LAMA3: variants seen among roughly 807,000 people sequenced by gnomAD.
The protein encoded by LAMA3 is laminin subunit alpha-3.
LAMA3 carries 281 observed loss-of-function variants against 402.0 expected under a neutral mutation model. The ratio of observed to expected loss-of-function variants is 0.70; its 90% CI spans 0.63 to 0.77. The LOEUF is 0.77. Ranked by LOEUF, LAMA3 falls within the 30% of genes least tolerant of loss-of-function variation. LAMA3 has a pLI of 0.00. For missense variants in LAMA3, 3,840 were observed against 4,215.5 expected (o/e 0.91, Z 2.47); for synonymous variants, 1,431 against 1,558.4 (o/e 0.92, Z 1.93).
chr18:23,689,959 C>T lies in LAMA3; in HGVS notation c.276C>T (p.Gly92=). 6.6e-7 allele frequency: 1 copy of T among 1,515,582 alleles called. No homozygotes were observed. Among genetic ancestry groups the T allele is most frequent in the Non-Finnish European group, 8.8e-7 (1 of 1,131,434 alleles). The allele number at this position is 1,515,582 out of a possible 1,614,324, so 93.9% of individuals were successfully genotyped here. The change falls in exon 1 of 75, where the codon GGC becomes GGT. Residue 92 remains glycine, a synonymous_variant. Coordinates refer to ENST00000313654, the MANE Select transcript of LAMA3 (RefSeq NM_198129.4). ...TGGTCGGGGGCCCCACCGCCCCAGG[C>T]AGCGGCCACACCATCCAGGTGAGGG... is the stretch of plus-strand genomic sequence containing the variant. ...CKLVGGPTAP[G]SGHTIQGQFC... is the part of the protein sequence containing the mutation.
chr18:23,754,893 T>C (rs770569444), intron 6 of LAMA3, among the ~76,000 whole-genome samples: 12 of 152,350 alleles, frequency 7.9e-5, no homozygotes, highest in Middle Eastern at 3.4e-3. Flanking sequence ...CTTGTGCTTC[T>C]TTAGGTCTAG....
chr18:23,941,333 C>CA (rs1214728608), intron 68 of LAMA3, among the ~76,000 whole-genome samples: 2 of 143,922 alleles, frequency 1.4e-5, no homozygotes, highest in East Asian at 2.1e-4. Context: ...GGCGCCCCCC[C>CA]CCCGCCCGGC....
chr18:23,719,805 T>C (rs766911361), intron 2 of LAMA3, among the ~76,000 whole-genome samples: 14 of 152,076 alleles, frequency 9.2e-5, no homozygotes, highest in Non-Finnish European at 1.6e-4. Flanking sequence ...GCTTGAGGAC[T>C]TTGGAGATTA....
rs184456963 is a variant in LAMA3, at chr18:23,845,228, C to T, written c.3719+104C>T. Reference sequence around the variant, plus strand: ...GCTGGCCCATGGATCCGTCCTCTTCCCCGCACTGCCCAAGAGAGTGTCAGT... The same window carrying T: ...GCTGGCCCATGGATCCGTCCTCTTCTCCGCACTGCCCAAGAGAGTGTCAGT... On this transcript the variant is annotated intron_variant, in intron 30 of 74. Transcript: ENST00000313654. The T allele has an allele frequency of 4.3e-4, 317 of 730,818 alleles. 1 individual carries two copies. The African/African-American group carries it at 4.8e-3, about 11-fold the overall frequency. 45.3% of individuals were successfully genotyped at this position (730,818 alleles called of 1,614,324 possible).
intron 8 of LAMA3, among the ~76,000 whole-genome samples, chr18:23,767,085 C>G (rs2062090914): frequency 1.3e-5 from 2 of 152,032 alleles, no homozygotes; most frequent in South Asian, 4.1e-4. Context: ...AGAGCCAAAT[C>G]AAGAACACAA....
intron 12 of LAMA3, among the ~76,000 whole-genome samples, chr18:23,810,085 C>T (rs925702879): frequency 6.6e-6 from 1 of 152,184 alleles, no homozygotes; most frequent in South Asian, 2.1e-4. Flanking sequence ...TGAGTGCTCG[C>T]TATGATAGGC....
intron 69 of LAMA3, among the ~76,000 whole-genome samples, 199 bp from the exon 70 acceptor site, chr18:23,945,945 C>T (rs2082694130): frequency 6.6e-6 from 1 of 151,892 alleles, no homozygotes; most frequent in African/African-American, 2.4e-5. Flanking sequence ...CCCTTTTGAG[C>T]TCAGTTTGTT....
Position 23,928,132 on chromosome 18 carries a change from T to G in LAMA3, c.8187T>G (p.Ile2729Met). The G allele has an allele frequency of 1.2e-6, 2 of 1,611,442 alleles. No individual in the cohort carries two copies. The highest frequency in any genetic ancestry group is 1.7e-6 in the Non-Finnish European group (2 of 1,177,496). ...CTGTGTTCGTAATCAGATTTAACAT[T>G]TCTACGCCTGCTTTCCGAGGCTGCA... ...IPIAIRERFN[I>M]STPAFRGCMK... Residue 2729 changes from isoleucine (I) to methionine (M), a missense_variant, in exon 63 of 75, where the codon ATT (isoleucine) becomes ATG (methionine). Physicochemically the swap from Ile to Met is conservative, Grantham distance 10. Around this residue, in one of 3 missense-constraint regions of LAMA3, gnomAD observed 840 missense variants for 981.9 expected, o/e 0.86. Coordinates refer to ENST00000313654, the MANE Select transcript of LAMA3 (RefSeq NM_198129.4).
chr18:23,885,576 A>G (rs967584971), intron 41 of LAMA3, among the ~76,000 whole-genome samples: 1 of 152,094 alleles, frequency 6.6e-6, no homozygotes, highest in African/African-American at 2.4e-5. Context: ...AATTTTCATG[A>G]TTAGCCACTA....
intron 1 of LAMA3, among the ~76,000 whole-genome samples, chr18:23,696,013 CAG>C (rs557332862): frequency 1.5e-3 from 231 of 151,858 alleles, no homozygotes; most frequent in Admixed American, 3.3e-3. Flanking sequence ...AGTGAGGGCT[CAG>C]AGGGCTGCTT....
intron 44 of LAMA3, among the ~76,000 whole-genome samples, chr18:23,896,558 G>C (rs1182476839): frequency 6.6e-6 from 1 of 152,112 alleles, no homozygotes; most frequent in Non-Finnish European, 1.5e-5. Flanking sequence ...TGTATACTTA[G>C]ATGGAATATG....
At chr18:23,747,049 C>A (rs1338440800) in intron 2 of LAMA3, among the ~76,000 whole-genome samples, 4 of 152,068 alleles carry the variant, frequency 2.6e-5, no homozygotes, top group Admixed American at 1.3e-4. Context: ...GAGGCGAGTG[C>A]TCCTCAGACA....
At chr18:23,730,633 C>A (rs1351497673) in intron 2 of LAMA3, among the ~76,000 whole-genome samples, 1 of 152,126 alleles carries the variant, frequency 6.6e-6, no homozygotes, top group Admixed American at 6.5e-5. Context: ...TCCCAAAGTG[C>A]TGGGATTACA....
chr18:23,911,242 C>T (rs2081415609), intron 55 of LAMA3, among the ~76,000 whole-genome samples: 1 of 152,082 alleles, frequency 6.6e-6, no homozygotes, highest in Admixed American at 6.5e-5. Context: ...GGGACCCCAT[C>T]GCTAAGTCCC....
chr18:23,826,895 G>T, intron 22 of LAMA3, 96 bp downstream of exon 22: 1 of 743,024 alleles, frequency 1.3e-6, no homozygotes, highest in South Asian at 1.5e-5. Flanking sequence ...GGATCACAAC[G>T]ACAGCATGAT....
chr18:23,842,192 G>T (rs981953120), intron 27 of LAMA3, among the ~76,000 whole-genome samples: 3 of 152,112 alleles, frequency 2.0e-5, no homozygotes, highest in African/African-American at 7.2e-5. Context: ...TTTGTTTTCA[G>T]TTTTTGTGAT....
At chr18:23,694,174 A>G (rs535689876) in intron 1 of LAMA3, among the ~76,000 whole-genome samples, 1 of 152,320 alleles carries the variant, frequency 6.6e-6, no homozygotes, top group Admixed American at 6.5e-5. Context: ...TTCCCATCCT[A>G]GAAGCTCAGA....
chr18:23,754,880 A>G, intron 6 of LAMA3, among the ~76,000 whole-genome samples: 1 of 152,174 alleles, frequency 6.6e-6, no homozygotes, highest in East Asian at 1.9e-4. Context: ...AGTCAGATTC[A>G]GGCTTGTGCT....
intron 21 of LAMA3, among the ~76,000 whole-genome samples, chr18:23,825,567 ATTGT>A (rs2063365924): frequency 6.6e-6 from 1 of 152,024 alleles, no homozygotes; most frequent in Non-Finnish European, 1.5e-5. Flanking sequence ...AACATGAGGG[ATTGT>A]TCTTTCCATT....
Sources: gnomAD v4.1 joint callset for allele counts (sites outside exome capture counted in the v4.1 genomes callset) on GRCh38, gnomAD v4.1.1 for gene constraint, gnomAD v4.1.1 regional missense constraint, MANE v1.5 for transcripts, NCBI Gene and HGNC (gene_info 2026-07-23, HGNC 2026-07-21) for gene names.